Variants in TXLNA observed in about 807,000 individuals in gnomAD.
TXLNA encodes alpha-taxilin.
A neutral mutation model predicts 61.4 loss-of-function variants in TXLNA; 9 were observed. The ratio of observed to expected loss-of-function variants is 0.15; its 90% confidence interval spans 0.09 to 0.26. The LOEUF is 0.26. Ranked by LOEUF, TXLNA falls within the 10% of genes least tolerant of loss-of-function variation. The pLI is 1.00. For synonymous variants in TXLNA, 257 were observed against 267.7 expected (o/e 0.96, Z 0.39); for missense variants, 565 against 688.8 (o/e 0.82, Z 2.01).
chr1:32,189,043 T>C, intron 5 of TXLNA, among the ~76,000 whole-genome samples: 1 of 152,258 alleles, frequency 6.6e-6, no homozygotes, highest in East Asian at 1.9e-4. Flanking sequence ...GTGCCTTTTT[T>C]TCACTTTACA....
Position 32,196,137 on chromosome 1 carries a change from G to A in TXLNA, c.*942G>A, listed in dbSNP as rs147957255. The A allele has an allele frequency of 5.3e-4, 85 of 159,688 alleles. No individual in the cohort carries two copies. Among genetic ancestry groups the A allele is most frequent in the Non-Finnish European group, 9.7e-4 (71 of 72,968 alleles). The allele number at this position is 159,688 out of a possible 1,614,324, so 9.9% of individuals were successfully genotyped here. A position where few individuals can be genotyped will look rare whatever the true frequency, so the allele number is the denominator to read the frequency against. ...CACTTGGCTCCTTTGCCATCTTGAT[G>A]CTGAGGTTTCCTGTTTGGTGAGATC... is the stretch of plus-strand genomic sequence containing the variant. On this transcript the variant is annotated 3_prime_UTR_variant, in exon 11 of 11. Transcript: ENST00000373610.
At chr1:32,180,683 G>A (rs528732218) in intron 2 of TXLNA, among the ~76,000 whole-genome samples, 169 bp downstream of exon 2, 1 of 152,384 alleles carries the variant, frequency 6.6e-6, no homozygotes, top group Non-Finnish European at 1.5e-5. Flanking sequence ...TGGCGGAGCT[G>A]CCCCCTCTAA....
At chr1:32,185,195 A>C (rs1418019737) in intron 4 of TXLNA, among the ~76,000 whole-genome samples, 1 of 152,162 alleles carries the variant, frequency 6.6e-6, no homozygotes, top group African/African-American at 2.4e-5. Context: ...AGAATTCTTC[A>C]TAAGTACTTC....
chr1:32,180,268 A>G, intron 1 of TXLNA, 46 bp from the exon 2 acceptor site: 1 of 1,492,084 alleles, frequency 6.7e-7, no homozygotes, highest in East Asian at 2.3e-5. Flanking sequence ...CCAGGCTGCG[A>G]AGAATTTCGA....
rs535412535 is a variant in TXLNA, at chr1:32,188,776, A to G, written c.768+652A>G. Among the ~76,000 whole-genome samples, 28 of 152,316 alleles carry G rather than the reference A, an allele frequency of 1.8e-4. No individual in the cohort carries two copies. The South Asian group carries it at 5.8e-3, about 32-fold the overall frequency. ...AGGATAAAGTACTAAGAGAATCCAT[A>G]ATGCACTGGCGTTAGTATTTCTCAA... is the stretch of plus-strand genomic sequence containing the variant. On this transcript the variant is annotated intron_variant, in intron 5 of 10. Coordinates refer to ENST00000373610, the MANE Select transcript of TXLNA (RefSeq NM_175852.4).
chr1:32,180,457 G>T lies in TXLNA; in HGVS notation c.112G>T (p.Ala38Ser). The T allele has an allele frequency of 6.2e-7, 1 of 1,612,850 alleles. No individual in the cohort carries two copies. Among genetic ancestry groups the T allele is most frequent in the African/African-American group, 1.3e-5 (1 of 75,052 alleles). ...EGAQERPSQA[A>S]PAVEAEGPGS... is the part of the protein sequence containing the mutation. ...AGCCCAGGAGCGGCCCAGCCAGGCG[G>T]CTCCTGCAGTAGAAGCAGAAGGTCC... Residue 38 changes from alanine to serine, a missense_variant, in exon 2 of 11, where the codon GCT (alanine) becomes TCT (serine). Coordinates refer to ENST00000373610, the MANE Select transcript of TXLNA (RefSeq NM_175852.4).
rs566492680 is a variant in TXLNA at position 32,182,707 on chromosome 1, A to C, written c.505+1130A>C. Among the ~76,000 whole-genome samples, 15 of 151,676 alleles carry C rather than the reference A, an allele frequency of 9.9e-5. No individual in the cohort carries two copies. The South Asian group carries it at 3.1e-3, about 32-fold the overall frequency. ...TAGAATCTAAGTCGAGTGTCATTATATCCATGTTTTATTCCTATTCCCTTT... is the reference window on the plus strand; with the variant it reads ...TAGAATCTAAGTCGAGTGTCATTATCTCCATGTTTTATTCCTATTCCCTTT... On this transcript the variant is annotated intron_variant, in intron 3 of 10. Coordinates refer to ENST00000373610, the MANE Select transcript of TXLNA (RefSeq NM_175852.4).
chr1:32,190,012 G>A (rs1642869736), intron 5 of TXLNA, 43 bp from the exon 6 acceptor site: 1 of 1,521,924 alleles, frequency 6.6e-7, no homozygotes, highest in African/African-American at 1.4e-5. Flanking sequence ...ACCCTTGTGA[G>A]GTAGCAGTGG....
rs1642699346 is a variant in TXLNA at position 32,182,961 on chromosome 1, G to A, written c.505+1384G>A. 2.6e-5 allele frequency among the ~76,000 whole-genome samples: 4 copies of A among 151,488 alleles called. No individual in the cohort carries two copies. The South Asian group carries it at 8.4e-4, about 32-fold the overall frequency. Reference sequence around the variant, plus strand: ...ACGTGCCTATAATCCCAGATACTCGGGAGGCTGAGGCAGGAGAATCACTTG... The same window carrying A: ...ACGTGCCTATAATCCCAGATACTCGAGAGGCTGAGGCAGGAGAATCACTTG... On this transcript the variant is annotated intron_variant, in intron 3 of 10. Transcript: ENST00000373610.
At chr1:32,188,690 A>AT (rs1158381387) in intron 5 of TXLNA, among the ~76,000 whole-genome samples, 1 of 152,214 alleles carries the variant, frequency 6.6e-6, no homozygotes, top group East Asian at 1.9e-4. Context: ...CACTTTCTCA[A>AT]TAATGCCTTA....
Position 32,188,001 on chromosome 1 carries a change from A to G in TXLNA, c.645A>G (p.Lys215=), listed in dbSNP as rs1557502807. The part of the protein sequence containing the change: ...NSQKQMKLLQ[K]KQSQLVQEKD... ...AGAAGCAGATGAAGCTCCTACAGAA[A>G]AAGCAGAGCCAGCTGGTGCAAGAGA... Residue 215 remains lysine (K), a synonymous_variant, in exon 5 of 11, where the codon AAA becomes AAG. Coordinates refer to ENST00000373610, the MANE Select transcript of TXLNA (RefSeq NM_175852.4). 1 of 1,613,808 alleles carries G rather than the reference A, an allele frequency of 6.2e-7. No homozygotes were observed. The highest frequency in any genetic ancestry group is 8.5e-7 in the Non-Finnish European group (1 of 1,179,874).
chr1:32,181,709 A>G, intron 3 of TXLNA, 132 bp downstream of exon 3: 1 of 889,032 alleles, frequency 1.1e-6, no homozygotes, highest in Admixed American at 3.0e-5. Flanking sequence ...ACTCTAGTCT[A>G]ATCAAAGCCA....
At chr1:32,188,276 A>C in intron 5 of TXLNA, 152 bp downstream of exon 5, 1 of 777,728 alleles carries the variant, frequency 1.3e-6, no homozygotes, top group Non-Finnish European at 2.0e-6. Flanking sequence ...CCACTAAAAA[A>C]CAGAAATTAA....
chr1:32,192,502 G>A lies in TXLNA; in HGVS notation c.1083+72G>A, dbSNP rs1399891749. ...CTGGGCTCTGGCTCAGCTCATAGCC[G>A]GGTTATATGGGAGAAGTCTGGCCAG... On this transcript the variant is annotated intron_variant, in intron 7 of 10. Transcript: ENST00000373610. The surrounding 1 kb of genome is among the most constrained non-coding windows in gnomAD (Gnocchi z 4.2). 18 of 1,598,968 alleles carry A rather than the reference G, an allele frequency of 1.1e-5. No homozygotes were observed. Among genetic ancestry groups the A allele is most frequent in the Admixed American group, 8.5e-5 (5 of 59,152 alleles).
chr1:32,188,198 C>T (rs1357023236), intron 5 of TXLNA, 74 bp downstream of exon 5: 3 of 1,464,062 alleles, frequency 2.0e-6, no homozygotes, highest in Non-Finnish European at 2.7e-6. Context: ...CATGGGCTTT[C>T]CTCTTAAAAA....
rs187825582 is a variant in TXLNA at position 32,188,531 on chromosome 1, A to G, written c.768+407A>G. Among the ~76,000 whole-genome samples the G allele has an allele frequency of 7.9e-5, 12 of 152,158 alleles. No homozygotes were observed. The East Asian group carries it at 2.3e-3, about 29-fold the overall frequency. ...CAAATGCCTATAATCCCAGCTACTCAGGTGGCTCAGGCATGAGAATTGCTT... is the reference window on the plus strand; with the variant it reads ...CAAATGCCTATAATCCCAGCTACTCGGGTGGCTCAGGCATGAGAATTGCTT... On this transcript the variant is annotated intron_variant, in intron 5 of 10. Coordinates refer to ENST00000373610, the MANE Select transcript of TXLNA (RefSeq NM_175852.4).
intron 3 of TXLNA, among the ~76,000 whole-genome samples, chr1:32,183,655 C>T (rs1202275149): frequency 6.6e-6 from 1 of 150,376 alleles, no homozygotes; most frequent in East Asian, 2.0e-4. Flanking sequence ...TGGTTTTGAT[C>T]TCCTGACCTC....
At position 32,192,648 on chromosome 1, in the gene TXLNA, T is replaced by C. The variant is rs1424659095; in HGVS notation, c.1084-9T>C. 2 of 1,614,168 alleles carry C rather than the reference T, an allele frequency of 1.2e-6. No homozygotes were observed. Among genetic ancestry groups the C allele is most frequent in the Non-Finnish European group, 1.7e-6 (2 of 1,180,010 alleles). ...TCTGACAGGATCTGGGGTTCTGTCT[T>C]GGAAATAGCTCCTGAAAGAGGCAGT... On this transcript the variant is annotated splice_polypyrimidine_tract_variant and intron_variant, in intron 7 of 10. Coordinates refer to ENST00000373610, the MANE Select transcript of TXLNA (RefSeq NM_175852.4). The surrounding 1 kb of genome is among the most constrained non-coding windows in gnomAD (Gnocchi z 4.2).
At position 32,192,793 on chromosome 1, in the gene TXLNA, G is replaced by T; in HGVS notation, c.1158+62G>T. 1.3e-6 allele frequency: 2 copies of T among 1,542,092 alleles called. No homozygotes were observed. The highest frequency in any genetic ancestry group is 3.4e-5 in the Admixed American group (2 of 59,524). On this transcript the variant is annotated intron_variant, in intron 8 of 10. Coordinates refer to ENST00000373610, the MANE Select transcript of TXLNA (RefSeq NM_175852.4). The surrounding 1 kb of genome is among the most constrained non-coding windows in gnomAD (Gnocchi z 4.2). The stretch of plus-strand genomic sequence containing the variant: ...TCCCTCACTGGGCCCCATCCTGGGG[G>T]TAGTGAAATGGGACCCTCATTCTAG...
Sources: allele counts gnomAD v4.1 joint callset (sites outside exome capture counted in the v4.1 genomes callset), GRCh38; gene constraint gnomAD v4.1.1; non-coding constraint Gnocchi (gnomAD v3.1); transcripts MANE v1.5; gene names NCBI Gene and HGNC (gene_info 2026-07-23, HGNC 2026-07-21).